Variants in CACNB2 observed in about 807,000 individuals in gnomAD.
CACNB2 encodes the protein calcium voltage-gated channel auxiliary subunit beta 2, also known as voltage-dependent L-type calcium channel subunit beta-2.
CACNB2 carries 42 observed loss-of-function variants against 73.3 expected under a neutral mutation model. That is an observed-to-expected ratio of 0.57 (90% CI 0.45 to 0.74). The LOEUF is 0.74. Among genes scored for constraint, CACNB2 ranks in the 30% least tolerant of loss-of-function variants. The pLI, the probability that CACNB2 is intolerant of heterozygous loss-of-function variation, is 0.00. For synonymous variants in CACNB2, 348 were observed against 310.3 expected (o/e 1.12, Z -1.28); for missense variants, 940 against 853.0 (o/e 1.10, Z -1.27).
intron 2 of CACNB2, among the ~76,000 whole-genome samples, chr10:18,381,537 A>C (rs147440299): frequency 0.015 from 2,316 of 151,874 alleles, 30 homozygotes; most frequent in South Asian, 0.047. Context: ...AAAATACAAA[A>C]ATTAGCTGGG....
chr10:18,335,826 T>TAC, intron 2 of CACNB2, among the ~76,000 whole-genome samples: 1 of 106,236 alleles, frequency 9.4e-6, no homozygotes, highest in South Asian at 3.3e-4. Context: ...CACACACACA[T>TAC]ACACACACAG....
intron 2 of CACNB2, among the ~76,000 whole-genome samples, chr10:18,198,935 A>G (rs1025800161): frequency 1.3e-5 from 2 of 152,206 alleles, no homozygotes; most frequent in Admixed American, 6.5e-5. Context: ...ATGGCATTCA[A>G]CTTAGATTGT....
intron 3 of CACNB2, among the ~76,000 whole-genome samples, chr10:18,461,764 C>CTTTTTTTTTT (rs35385599): frequency 4.4e-5 from 3 of 68,020 alleles, no homozygotes; most frequent in African/African-American, 6.1e-5. Context: ...TTCGATAAAG[C>CTTTTTTTTTT]TTTTTTTTTT....
intron 2 of CACNB2, among the ~76,000 whole-genome samples, chr10:18,219,156 C>A (rs118187208): frequency 0.01 from 1,546 of 150,628 alleles, 8 homozygotes; most frequent in Non-Finnish European, 0.018. Flanking sequence ...CAGAGCAAGA[C>A]CCTGTCTCAA....
intron 3 of CACNB2, among the ~76,000 whole-genome samples, chr10:18,417,130 TA>T (rs2045018293): frequency 6.6e-6 from 1 of 151,648 alleles, no homozygotes; most frequent in African/African-American, 2.4e-5. Context: ...TTTTTCTCTT[TA>T]ACTATAAAAG....
rs186753492 is a variant in CACNB2, at chr10:18,408,216, A to G, written c.333+6173A>G. Reference sequence around the variant, plus strand: ...AGTTTTCAAATGAACTTAAGGAAACATTCACTATCCCTGACTTTTTTTTTT... The same window carrying G: ...AGTTTTCAAATGAACTTAAGGAAACGTTCACTATCCCTGACTTTTTTTTTT... On this transcript the variant is annotated intron_variant, in intron 3 of 13. Coordinates refer to ENST00000324631, the MANE Select transcript of CACNB2 (RefSeq NM_201596.3). 2.1e-5 allele frequency among the ~76,000 whole-genome samples: 3 copies of G among 145,578 alleles called. No individual in the cohort carries two copies. The Admixed American group carries it at 2.1e-4, about 10-fold the overall frequency.
chr10:18,355,312 C>T (rs1255413397), intron 2 of CACNB2, among the ~76,000 whole-genome samples: 1 of 152,086 alleles, frequency 6.6e-6, no homozygotes. Context: ...ACAAACATTA[C>T]TTGTAGTTAT....
At chr10:18,187,248 G>A (rs968026362) in intron 2 of CACNB2, among the ~76,000 whole-genome samples, 1 of 152,168 alleles carries the variant, frequency 6.6e-6, no homozygotes. Context: ...GGGGATGGCA[G>A]CTAGGAGAAC....
intron 2 of CACNB2, among the ~76,000 whole-genome samples, chr10:18,250,739 C>T (rs1366988668): frequency 6.6e-6 from 1 of 152,192 alleles, no homozygotes; most frequent in African/African-American, 2.4e-5. Flanking sequence ...CTTTGGCTTC[C>T]TCCATTTCCG....
At chr10:18,364,632 C>G (rs955033664) in intron 2 of CACNB2, among the ~76,000 whole-genome samples, 1 of 152,090 alleles carries the variant, frequency 6.6e-6, no homozygotes, top group African/African-American at 2.4e-5. Context: ...CTGGTCTTGT[C>G]TTCTCTTTCT....
At chr10:18,208,163 G>C (rs1157760220) in intron 2 of CACNB2, among the ~76,000 whole-genome samples, 1 of 152,160 alleles carries the variant, frequency 6.6e-6, no homozygotes, top group African/African-American at 2.4e-5. Flanking sequence ...CCATTTAGAA[G>C]GAGCTTCAAA....
intron 2 of CACNB2, among the ~76,000 whole-genome samples, chr10:18,248,413 A>AT (rs1317161428): frequency 1.3e-5 from 2 of 152,170 alleles, no homozygotes; most frequent in Admixed American, 1.3e-4. Flanking sequence ...TTTTTGAAGT[A>AT]TTTTGTCATA....
chr10:18,216,958 C>T (rs2035538071), intron 2 of CACNB2, among the ~76,000 whole-genome samples: 1 of 152,200 alleles, frequency 6.6e-6, no homozygotes, highest in Non-Finnish European at 1.5e-5. Flanking sequence ...TCAAGTTGAA[C>T]TATTTTCTAG....
rs2054058275 is a variant in CACNB2, at chr10:18,541,358, C to G, written c.*1634C>G. 1 of 152,560 alleles carries G rather than the reference C, an allele frequency of 6.6e-6. No homozygotes were observed. The highest frequency in any genetic ancestry group is 2.4e-5 in the African/African-American group (1 of 41,442). The allele number at this position is 152,560 out of a possible 1,614,324, so 9.5% of individuals were successfully genotyped here. Reference sequence around the variant, plus strand: ...AAGGGGAACCTTGAAGACATTATCTCCATGCCTCAATTACACTGCTGTAAG... The same window carrying G: ...AAGGGGAACCTTGAAGACATTATCTGCATGCCTCAATTACACTGCTGTAAG... On this transcript the variant is annotated 3_prime_UTR_variant, in exon 14 of 14. Coordinates refer to ENST00000324631, the MANE Select transcript of CACNB2 (RefSeq NM_201596.3).
At chr10:18,281,999 AAAAG>A (rs2038572148) in intron 2 of CACNB2, among the ~76,000 whole-genome samples, 2 of 150,970 alleles carry the variant, frequency 1.3e-5, no homozygotes, top group Non-Finnish European at 2.9e-5. Flanking sequence ...AAAAAAAAAA[AAAAG>A]GGGGAAATAA....
At chr10:18,479,783 T>C (rs958874339) in intron 3 of CACNB2, among the ~76,000 whole-genome samples, 6 of 152,210 alleles carry the variant, frequency 3.9e-5, no homozygotes, top group African/African-American at 1.4e-4. Context: ...GATTGTAAGT[T>C]TCCTGAGGCC....
chr10:18,248,823 T>C (rs1364857854), intron 2 of CACNB2, among the ~76,000 whole-genome samples: 1 of 152,152 alleles, frequency 6.6e-6, no homozygotes, highest in Non-Finnish European at 1.5e-5. Context: ...AACTCTCTGT[T>C]CCTCTCTCCC....
At chr10:18,358,348 A>G (rs1359184916) in intron 2 of CACNB2, among the ~76,000 whole-genome samples, 1 of 152,196 alleles carries the variant, frequency 6.6e-6, no homozygotes, top group African/African-American at 2.4e-5. Context: ...TCAGACTCCC[A>G]GAGTCCTGGG....
chr10:18,352,912 C>T (rs1277840), intron 2 of CACNB2, among the ~76,000 whole-genome samples: 75,855 of 151,990 alleles, frequency 0.5, 20,090 homozygotes, highest in African/African-American at 0.65. Flanking sequence ...TATTACATCA[C>T]CTCTAGTAAA....
Sources: allele counts gnomAD v4.1 joint callset (sites outside exome capture counted in the v4.1 genomes callset), GRCh38; gene constraint gnomAD v4.1.1; transcripts MANE v1.5; gene names NCBI Gene and HGNC (gene_info 2026-07-23, HGNC 2026-07-21).